TTC39B: variants seen among roughly 807,000 people sequenced by gnomAD.
TTC39B encodes the protein tetratricopeptide repeat protein 39B.
A neutral mutation model predicts 96.6 loss-of-function variants in TTC39B; 92 were observed. That is an observed-to-expected ratio of 0.95 (90% CI 0.80 to 1.13). The LOEUF (loss-of-function observed/expected upper bound fraction) is 1.13, where lower values mean the gene tolerates loss of function less well. TTC39B is among the 50% of genes most tolerant of loss of function. The pLI, the probability that TTC39B is intolerant of heterozygous loss-of-function variation, is 0.00. For synonymous variants in TTC39B, 367 were observed against 299.4 expected (o/e 1.23, Z -2.33); for missense variants, 955 against 809.3 (o/e 1.18, Z -2.18).
chr9:15,179,118 A>C (rs766204873), intron 17 of TTC39B, among the ~76,000 whole-genome samples: 5 of 152,208 alleles, frequency 3.3e-5, no homozygotes, highest in Non-Finnish European at 7.4e-5. Flanking sequence ...ATGTGTGTTA[A>C]ACAGAAGGAA....
intron 1 of TTC39B, among the ~76,000 whole-genome samples, chr9:15,299,029 G>A (rs964763417): frequency 6.6e-6 from 1 of 152,064 alleles, no homozygotes; most frequent in Admixed American, 6.5e-5. Flanking sequence ...CAGGAGAGGT[G>A]CCCTCCTCTG....
intron 1 of TTC39B, among the ~76,000 whole-genome samples, chr9:15,287,876 G>T (rs1824030476): frequency 1.3e-5 from 2 of 149,188 alleles, no homozygotes; most frequent in African/African-American, 4.9e-5. Context: ...AACCCAGGAG[G>T]CGGAGCTTGC....
intron 3 of TTC39B, among the ~76,000 whole-genome samples, chr9:15,218,372 C>G (rs1362685484): frequency 6.6e-6 from 1 of 151,980 alleles, no homozygotes; most frequent in East Asian, 1.9e-4. Context: ...TTGAAGTGCT[C>G]TCACTTCACA....
chr9:15,294,314 T>C (rs1341762242), intron 1 of TTC39B, among the ~76,000 whole-genome samples: 2 of 152,156 alleles, frequency 1.3e-5, no homozygotes, highest in African/African-American at 4.8e-5. Context: ...TCTTACTTCC[T>C]TTACCTTTTA....
At chr9:15,213,533 G>A (rs1293400907) in intron 4 of TTC39B, among the ~76,000 whole-genome samples, 1 of 152,160 alleles carries the variant, frequency 6.6e-6, no homozygotes, top group African/African-American at 2.4e-5. Flanking sequence ...TTATGCCCAA[G>A]TAATCTTGGA....
At chr9:15,177,262 G>A (rs1817991278) in intron 18 of TTC39B, among the ~76,000 whole-genome samples, 2 of 151,974 alleles carry the variant, frequency 1.3e-5, no homozygotes, top group Admixed American at 1.3e-4. Context: ...AAGCTCAGGA[G>A]TTCCAGGCTG....
intron 9 of TTC39B, 96 bp downstream of exon 9, chr9:15,192,494 A>C (rs1025772373): frequency 1.1e-6 from 1 of 917,600 alleles, no homozygotes; most frequent in Admixed American, 2.3e-5. Flanking sequence ...CAACCCAAGG[A>C]AAGGTTCAGG....
At chr9:15,235,932 A>T (rs1821759512) in intron 2 of TTC39B, among the ~76,000 whole-genome samples, 1 of 150,472 alleles carries the variant, frequency 6.6e-6, no homozygotes, top group Non-Finnish European at 1.5e-5. Context: ...CTAGCTAACA[A>T]CACTATGACA....
At chr9:15,234,263 G>T (rs1366587035) in intron 2 of TTC39B, among the ~76,000 whole-genome samples, 1 of 150,570 alleles carries the variant, frequency 6.6e-6, no homozygotes, top group Non-Finnish European at 1.5e-5. Context: ...GAGGGAGGTG[G>T]GGGTCAGCCC....
intron 17 of TTC39B, among the ~76,000 whole-genome samples, chr9:15,179,213 A>T (rs1818118084): frequency 6.6e-6 from 1 of 152,242 alleles, no homozygotes; most frequent in South Asian, 2.1e-4. Flanking sequence ...ACAGGCAAGT[A>T]CAACGTTATT....
intron 17 of TTC39B, among the ~76,000 whole-genome samples, chr9:15,179,769 A>G (rs1195696212): frequency 1.3e-5 from 2 of 152,186 alleles, no homozygotes; most frequent in Admixed American, 6.5e-5. Context: ...TGCTCTGTGA[A>G]TGATGATTTT....
intron 1 of TTC39B, among the ~76,000 whole-genome samples, chr9:15,274,735 T>C (rs1460806469): frequency 2.6e-5 from 4 of 152,152 alleles, no homozygotes; most frequent in Non-Finnish European, 5.9e-5. Flanking sequence ...TAACACTAAG[T>C]TTATCTTCTT....
At chr9:15,218,900 C>CA (rs531889856) in intron 3 of TTC39B, among the ~76,000 whole-genome samples, 88 of 152,106 alleles carry the variant, frequency 5.8e-4, no homozygotes, top group African/African-American at 2.0e-3. Context: ...TGCAGCCTCC[C>CA]AAGGCCATTT....
chr9:15,256,538 C>G (rs1292967050), intron 2 of TTC39B, among the ~76,000 whole-genome samples: 1 of 152,134 alleles, frequency 6.6e-6, no homozygotes, highest in Non-Finnish European at 1.5e-5. Flanking sequence ...CGTTATAGAA[C>G]TTGGAGCTCA....
chr9:15,247,637 G>A (rs1822338105), intron 2 of TTC39B, among the ~76,000 whole-genome samples: 1 of 152,142 alleles, frequency 6.6e-6, no homozygotes, highest in East Asian at 1.9e-4. Flanking sequence ...GCCTGCCACT[G>A]AAGCATAATC....
chr9:15,241,905 C>A lies in TTC39B; in HGVS notation c.276-15893G>T, dbSNP rs973590098. Among the ~76,000 whole-genome samples the A allele has an allele frequency of 9.2e-5, 14 of 152,112 alleles. 1 individual carries two copies. The highest frequency in any genetic ancestry group is 3.9e-4 in the Admixed American group (6 of 15,260). ...CTACAGGCACATGCCACCACCACAC[C>A]TGGCTAATTTTTGTATTTTTAGTAG... On this transcript the variant is annotated intron_variant, in intron 2 of 19. Coordinates refer to ENST00000512701, the Ensembl canonical transcript of TTC39B.
chr9:15,170,303 G>A (rs1406986901), exon 20 of TTC39B: 1 of 146,370 alleles, frequency 6.8e-6, no homozygotes, highest in Admixed American at 6.9e-5. Context: ...GGCAGGAGCA[G>A]GTTCATATAA....
rs537383802 is a variant in TTC39B, at chr9:15,306,738, C to A, written c.240+346G>T. Among the ~76,000 whole-genome samples the A allele has an allele frequency of 6.6e-6, 1 of 152,218 alleles. No homozygotes were observed. The highest frequency in any genetic ancestry group is 1.5e-5 in the Non-Finnish European group (1 of 68,040). The stretch of plus-strand genomic sequence containing the variant: ...AGGGTCAGACTTCGTAAAGCCCAGG[C>A]GTCGCTGGGCCGGCCCGGAACAGCT... On this transcript the variant is annotated intron_variant, in intron 1 of 19. Transcript: ENST00000512701. This position sits in a 1 kb window ranked among gnomAD's most constrained non-coding sequence, Gnocchi z 5.1.
chr9:15,307,074 C>G lies in TTC39B; in HGVS notation c.240+10G>C. Reference sequence around the variant, plus strand: ...CAGGGGCCGGGCCCGCAATCCCCATCGGATCGTACCTCGTCCGCTTCCAGC... The same window carrying G: ...CAGGGGCCGGGCCCGCAATCCCCATGGGATCGTACCTCGTCCGCTTCCAGC... On this transcript the variant is annotated intron_variant, in intron 1 of 19. Transcript: ENST00000512701. 1.2e-6 allele frequency: 2 copies of G among 1,609,324 alleles called. No individual in the cohort carries two copies. The highest frequency in any genetic ancestry group is 2.2e-5 in the East Asian group (1 of 44,726).
Sources: gnomAD v4.1 joint callset for allele counts (sites outside exome capture counted in the v4.1 genomes callset) on GRCh38, gnomAD v4.1.1 for gene constraint, Gnocchi (gnomAD v3.1) non-coding constraint, MANE v1.5 for transcripts, NCBI Gene and HGNC (gene_info 2026-07-23, HGNC 2026-07-21) for gene names.